Variants in DPP6 observed in about 807,000 individuals in gnomAD.
DPP6 encodes the protein dipeptidyl peptidase like 6, also known as A-type potassium channel modulatory protein DPP6.
In DPP6, 69 loss-of-function variants were observed where a neutral mutation model predicts 122.6. The observed-to-expected ratio is 0.56, with a 90% CI of 0.46 to 0.69. DPP6 has a LOEUF of 0.69. Ranked by LOEUF, DPP6 falls within the 30% of genes least tolerant of loss-of-function variation. DPP6 has a pLI of 0.00. For synonymous variants in DPP6, 418 were observed against 433.1 expected, an observed-to-expected ratio of 0.97 and a Z score of 0.43; for missense variants, 928 against 1,116.9, an observed-to-expected ratio of 0.83 and a Z score of 2.41.
chr7:154,874,399 CCT>C (rs1418755181), intron 19 of DPP6, among the ~76,000 whole-genome samples: 5 of 152,228 alleles, frequency 3.3e-5, no homozygotes, highest in African/African-American at 1.2e-4. Context: ...AACCCCACCC[CCT>C]GGGTGCACAC....
chr7:154,879,732 A>G (rs114670274), intron 20 of DPP6, among the ~76,000 whole-genome samples: 6,403 of 152,298 alleles, frequency 0.042, 434 homozygotes, highest in African/African-American at 0.14. Context: ...AGCCTGGGCA[A>G]TGAGCCAAAC....
intron 1 of DPP6, among the ~76,000 whole-genome samples, chr7:154,341,005 AATT>A (rs1468683776): frequency 6.6e-6 from 1 of 152,198 alleles, no homozygotes; most frequent in Non-Finnish European, 1.5e-5. Context: ...ATATAAATTG[AATT>A]ATTATAACAT....
At chr7:153,956,197 G>A (rs1802453757) in intron 1 of DPP6, among the ~76,000 whole-genome samples, 1 of 152,100 alleles carries the variant, frequency 6.6e-6, no homozygotes, top group Non-Finnish European at 1.5e-5. Flanking sequence ...ACTTAGATGT[G>A]GGCAGGTGGG....
rs144931039 is a variant in DPP6, at chr7:153,985,235, G to A, written c.51+97501G>A. ...CTTTGATTGGGCTAGAGGGAGAGGTGAGACACTTTGAAGGGGTACAGAAAT... is the reference window on the plus strand; with the variant it reads ...CTTTGATTGGGCTAGAGGGAGAGGTAAGACACTTTGAAGGGGTACAGAAAT... On this transcript the variant is annotated intron_variant, in intron 1 of 25. Transcript: ENST00000404039. 1.2e-3 allele frequency among the ~76,000 whole-genome samples: 182 copies of A among 152,320 alleles called. 1 individual carries two copies. Among genetic ancestry groups the A allele is most frequent in the African/African-American group, 4.1e-3 (170 of 41,562 alleles).
chr7:154,559,533 A>G (rs1021527704), intron 4 of DPP6, among the ~76,000 whole-genome samples: 8 of 152,180 alleles, frequency 5.3e-5, no homozygotes, highest in Admixed American at 1.3e-4. Context: ...AAAGAAAATA[A>G]TAACAAAGAA....
At position 154,260,485 on chromosome 7, in the gene DPP6, T is replaced by C. The variant is rs188963179; in HGVS notation, c.244-185729T>C. ...TGAGTCCCCAAAGTCCGTTGTGCCA[T>C]TGTGTCATTCTTATGCCTTTGCATC... On this transcript the variant is annotated intron_variant, in intron 1 of 25. Coordinates refer to ENST00000377770, the MANE Select transcript of DPP6 (RefSeq NM_130797.4). Among the ~76,000 whole-genome samples the C allele has an allele frequency of 1.7e-3, 264 of 151,988 alleles. 3 individuals are homozygous for C. The highest frequency in any genetic ancestry group is 0.017 in the Middle Eastern group (5 of 292).
the DPP6 span, among the ~76,000 whole-genome samples, chr7:153,820,970 T>C: frequency 6.8e-6 from 1 of 147,734 alleles, no homozygotes; most frequent in East Asian, 2.0e-4. Context: ...GAACTAGCAT[T>C]GACACCGGCA....
intron 1 of DPP6, among the ~76,000 whole-genome samples, chr7:153,891,715 T>G (rs561127028): frequency 6.6e-6 from 1 of 152,326 alleles, no homozygotes; most frequent in Admixed American, 6.5e-5. Context: ...ATTGAGTTGC[T>G]TAATGAAGTT....
intron 1 of DPP6, among the ~76,000 whole-genome samples, chr7:153,900,275 A>G (rs769013619): frequency 9.3e-5 from 14 of 150,222 alleles, no homozygotes; most frequent in Non-Finnish European, 1.9e-4. Flanking sequence ...AACTTTTTCA[A>G]CCTCTGCCCT....
At chr7:154,017,725 A>T (rs1380221873) in intron 1 of DPP6, among the ~76,000 whole-genome samples, 223 of 121,842 alleles carry the variant, frequency 1.8e-3, no homozygotes, top group African/African-American at 8.3e-3. Context: ...AAAATAAAAA[A>T]ATAAAAAAAA....
chr7:154,492,028 C>T (rs2151388938), intron 3 of DPP6, among the ~76,000 whole-genome samples: 1 of 152,292 alleles, frequency 6.6e-6, no homozygotes, highest in South Asian at 2.1e-4. Flanking sequence ...GGTAAAGTAG[C>T]ATCCTTGGAG....
intron 25 of DPP6, among the ~76,000 whole-genome samples, chr7:154,891,433 CAA>C (rs1335370885): frequency 2.6e-5 from 4 of 152,160 alleles, no homozygotes; most frequent in African/African-American, 9.7e-5. Context: ...TTAATTCTCA[CAA>C]AGTGTCATGA....
intron 21 of DPP6, among the ~76,000 whole-genome samples, chr7:154,882,369 T>C (rs1217179796): frequency 6.6e-6 from 1 of 152,194 alleles, no homozygotes; most frequent in Non-Finnish European, 1.5e-5. Context: ...ATCCCGGGCG[T>C]CTTTCCAGAG....
intron 1 of DPP6, among the ~76,000 whole-genome samples, chr7:154,391,186 G>C (rs571720300): frequency 6.6e-6 from 1 of 152,178 alleles, no homozygotes; most frequent in East Asian, 1.9e-4. Flanking sequence ...GCGTGGGGGC[G>C]GTTCTCAGTC....
In DPP6 at chr7:154,031,638, A is replaced by G. The variant is rs1284952056; in HGVS notation, c.51+143904A>G. Among the ~76,000 whole-genome samples the G allele has an allele frequency of 2.6e-5, 4 of 151,958 alleles. No homozygotes were observed. In the East Asian group the frequency reaches 7.7e-4, roughly 29 times the overall value. On this transcript the variant is annotated intron_variant, in intron 1 of 25. Coordinates refer to the DPP6 transcript ENST00000404039. ...GAGACTCTAGGCAGACACTCAAGCA[A>G]CAGAGCTGGTCAGTCTCTGGAGATT...
At chr7:154,358,086 A>C (rs1811423986) in intron 1 of DPP6, among the ~76,000 whole-genome samples, 1 of 152,180 alleles carries the variant, frequency 6.6e-6, no homozygotes, top group East Asian at 1.9e-4. Context: ...TTGACTTGTT[A>C]AGATTTTAAT....
At chr7:154,136,236 G>A (rs1242622937) in intron 1 of DPP6, among the ~76,000 whole-genome samples, 3 of 151,968 alleles carry the variant, frequency 2.0e-5, no homozygotes, top group South Asian at 2.1e-4. Context: ...AATGACAGTC[G>A]ACTCCAAGAC....
At chr7:154,632,120 T>A (rs768411100) in intron 5 of DPP6, among the ~76,000 whole-genome samples, 23 of 152,222 alleles carry the variant, frequency 1.5e-4, no homozygotes, top group Non-Finnish European at 2.8e-4. Flanking sequence ...TATTTGAACA[T>A]GCTTCAAACA....
At chr7:153,842,191 G>A in the DPP6 span, among the ~76,000 whole-genome samples, 6 of 152,198 alleles carry the variant, frequency 3.9e-5, no homozygotes, top group East Asian at 1.2e-3. Context: ...CAAGTGTGCA[G>A]TCCAAGAAGC....
Sources: gnomAD v4.1 joint callset for allele counts (sites outside exome capture counted in the v4.1 genomes callset) on GRCh38, gnomAD v4.1.1 for gene constraint, MANE v1.5 for transcripts, NCBI Gene and HGNC (gene_info 2026-07-23, HGNC 2026-07-21) for gene names.